The following MOXD1 variants were observed in gnomAD, a reference collection of about 807,000 sequenced individuals.
MOXD1 encodes the protein monooxygenase DBH like 1.
A neutral mutation model predicts 66.6 loss-of-function variants in MOXD1; 62 were observed. The observed-to-expected ratio is 0.93, with a 90% CI of 0.76 to 1.15. MOXD1 has a LOEUF of 1.15. Ranked by LOEUF, MOXD1 falls within the 50% of genes most tolerant of loss-of-function variation. The pLI is 0.00. For synonymous variants in MOXD1, 303 were observed against 281.9 expected (o/e 1.07, Z -0.75); for missense variants, 847 against 754.6 (o/e 1.12, Z -1.44).
intron 1 of MOXD1, among the ~76,000 whole-genome samples, chr6:132,398,105 G>A (rs561689075): frequency 6.6e-6 from 1 of 152,042 alleles, no homozygotes; most frequent in East Asian, 1.9e-4. Flanking sequence ...ACATCCTTGT[G>A]TACACATTAT....
chr6:132,380,868 T>G (rs1776494022), intron 1 of MOXD1, among the ~76,000 whole-genome samples: 1 of 152,220 alleles, frequency 6.6e-6, no homozygotes, highest in South Asian at 2.1e-4. Context: ...TACAGACACA[T>G]CTGGCACTGA....
intron 4 of MOXD1, among the ~76,000 whole-genome samples, chr6:132,343,416 A>T (rs1026301402): frequency 6.6e-6 from 1 of 152,152 alleles, no homozygotes; most frequent in African/African-American, 2.4e-5. Flanking sequence ...TTCTACTAAA[A>T]ATACAAAAAT....
At chr6:132,340,700 G>C (rs1213571598) in intron 4 of MOXD1, among the ~76,000 whole-genome samples, 13 of 136,448 alleles carry the variant, frequency 9.5e-5, no homozygotes, top group Non-Finnish European at 3.0e-5. Context: ...AGGCTGGAGT[G>C]CAGTGGCGCG....
chr6:132,300,155 A>G (rs2294432), intron 10 of MOXD1, among the ~76,000 whole-genome samples: 56,423 of 151,762 alleles, frequency 0.37, 10,789 homozygotes, highest in South Asian at 0.49. Flanking sequence ...GCATTATTTT[A>G]TACAAAGACC....
chr6:132,309,954 T>C (rs539305229), intron 10 of MOXD1, among the ~76,000 whole-genome samples: 6 of 152,314 alleles, frequency 3.9e-5, no homozygotes, highest in African/African-American at 1.4e-4. Context: ...AAAGACTTCA[T>C]GACAAAAACG....
chr6:132,393,483 T>G (rs1562302093), intron 1 of MOXD1, among the ~76,000 whole-genome samples: 1 of 152,152 alleles, frequency 6.6e-6, no homozygotes, highest in Non-Finnish European at 1.5e-5. Flanking sequence ...GGCTCCTTAA[T>G]GTGAGGAAAG....
In MOXD1 at chr6:132,401,177, G is replaced by T. The variant is rs1326878448; in HGVS notation, c.250C>A (p.Arg84=). Residue 84 remains arginine, a synonymous_variant, in exon 1 of 12, where the codon CGG becomes AGG. Transcript: ENST00000367963. ...DIVVGGVAHG[R]PYLQDYFTNA... ...GACGCGCTTACCTGGAGGTAGGGCC[G>T]CCCGTGGGCCACCCCGCCCACGACG... The T allele has an allele frequency of 6.5e-7, 1 of 1,529,816 alleles. No individual in the cohort carries two copies. Among genetic ancestry groups the T allele is most frequent in the East Asian group, 2.5e-5 (1 of 39,886 alleles). 94.8% of individuals were successfully genotyped at this position (1,529,816 alleles called of 1,614,324 possible). A position where few individuals can be genotyped will look rare whatever the true frequency, so the allele number is the denominator to read the frequency against.
At chr6:132,400,338 T>G (rs754337133) in intron 1 of MOXD1, among the ~76,000 whole-genome samples, 2 of 152,096 alleles carry the variant, frequency 1.3e-5, no homozygotes, top group Admixed American at 6.5e-5. Flanking sequence ...ATCCAAACGT[T>G]GGTCACGATC....
intron 1 of MOXD1, among the ~76,000 whole-genome samples, chr6:132,396,440 C>A (rs1416890345): frequency 2.0e-5 from 3 of 151,332 alleles, no homozygotes; most frequent in Non-Finnish European, 4.4e-5. Flanking sequence ...AGAAAGATTT[C>A]AAATAAATGA....
intron 4 of MOXD1, among the ~76,000 whole-genome samples, chr6:132,344,229 TG>T (rs1388267162): frequency 6.6e-6 from 1 of 152,258 alleles, no homozygotes; most frequent in African/African-American, 2.4e-5. Context: ...TTAAAAATTC[TG>T]GTTTCATTGC....
chr6:132,387,935 G>C (rs957623096), intron 1 of MOXD1, among the ~76,000 whole-genome samples: 1 of 151,134 alleles, frequency 6.6e-6, no homozygotes, highest in Non-Finnish European at 1.5e-5. Context: ...CAAATCAAAT[G>C]CAAAAGAAAA....
chr6:132,391,607 A>G (rs1423623470), intron 1 of MOXD1: 1 of 152,182 alleles, frequency 6.6e-6, no homozygotes, highest in Admixed American at 6.5e-5. Flanking sequence ...GTATGGATCA[A>G]ATACTTCCAG....
chr6:132,340,818 T>G (rs1775542812), intron 4 of MOXD1, among the ~76,000 whole-genome samples: 1 of 151,864 alleles, frequency 6.6e-6, no homozygotes, highest in Non-Finnish European at 1.5e-5. Flanking sequence ...GGCTAATTTT[T>G]TGTATTTTTA....
intron 4 of MOXD1, among the ~76,000 whole-genome samples, chr6:132,348,052 G>A (rs1027486980): frequency 2.0e-5 from 3 of 152,094 alleles, no homozygotes; most frequent in Non-Finnish European, 1.5e-5. Context: ...TCCATCCTAG[G>A]TAGATACCCC....
intron 4 of MOXD1, among the ~76,000 whole-genome samples, chr6:132,350,627 T>C (rs1274464806): frequency 6.6e-6 from 1 of 152,194 alleles, no homozygotes; most frequent in Non-Finnish European, 1.5e-5. Context: ...CCATATGAAT[T>C]TTAGAATTGT....
At chr6:132,317,437 G>A (rs1774984018) in intron 9 of MOXD1, among the ~76,000 whole-genome samples, 1 of 152,126 alleles carries the variant, frequency 6.6e-6, no homozygotes, top group African/African-American at 2.4e-5. Flanking sequence ...GTACCAAATT[G>A]TAGAAGGAAA....
At chr6:132,363,850 G>C (rs930799711) in intron 4 of MOXD1, among the ~76,000 whole-genome samples, 3 of 152,138 alleles carry the variant, frequency 2.0e-5, no homozygotes, top group Admixed American at 1.3e-4. Flanking sequence ...ATCCCATTGT[G>C]CTATCAACAT....
At chr6:132,337,046 C>T (rs1049603831) in intron 4 of MOXD1, among the ~76,000 whole-genome samples, 3 of 152,198 alleles carry the variant, frequency 2.0e-5, no homozygotes, top group Admixed American at 6.5e-5. Context: ...CAAGCAAGCA[C>T]ACAGAGAGGT....
chr6:132,387,696 GT>G (rs1448716546), intron 1 of MOXD1, among the ~76,000 whole-genome samples: 3 of 139,690 alleles, frequency 2.1e-5, no homozygotes, highest in African/African-American at 7.9e-5. Flanking sequence ...GGAGGTTGTA[GT>G]GAGCCAAGAT....
Sources: allele counts gnomAD v4.1 joint callset (sites outside exome capture counted in the v4.1 genomes callset), GRCh38; gene constraint gnomAD v4.1.1; transcripts MANE v1.5; gene names NCBI Gene and HGNC (gene_info 2026-07-23, HGNC 2026-07-21).